The following MLIP variants were observed in gnomAD, a reference collection of about 807,000 sequenced individuals.
MLIP encodes the protein muscular LMNA interacting protein.
In MLIP, 79 loss-of-function variants were observed where a neutral mutation model predicts 84.8. The ratio of observed to expected loss-of-function variants is 0.93; its 90% CI spans 0.78 to 1.12. MLIP has a LOEUF of 1.12. Among genes scored for constraint, MLIP ranks in the 50% most tolerant of loss-of-function variants. The pLI, the probability that MLIP is intolerant of heterozygous loss-of-function variation, is 0.00. For missense variants in MLIP, 1,257 were observed against 1,160.6 expected, an observed-to-expected ratio of 1.08 and a Z score of -1.21; for synonymous variants, 504 against 463.0, an observed-to-expected ratio of 1.09 and a Z score of -1.14.
chr6:54,151,338 TG>T (rs1773424107), intron 5 of MLIP, among the ~76,000 whole-genome samples: 2 of 152,182 alleles, frequency 1.3e-5, no homozygotes, highest in Admixed American at 6.6e-5. Flanking sequence ...GATATTGTAT[TG>T]TTCCTTTCAG....
chr6:54,163,287 A>C (rs975265434), intron 8 of MLIP, among the ~76,000 whole-genome samples: 1 of 151,716 alleles, frequency 6.6e-6, no homozygotes, highest in African/African-American at 2.4e-5. Context: ...ATTTTCTCAG[A>C]GCAGCATATT....
chr6:54,124,296 T>G (rs1207287043), intron 2 of MLIP, among the ~76,000 whole-genome samples, 177 bp from the exon 3 acceptor site: 1 of 152,160 alleles, frequency 6.6e-6, no homozygotes, highest in Non-Finnish European at 1.5e-5. Flanking sequence ...GAAAAACAGG[T>G]GGGCTAGTGG....
At chr6:54,207,896 T>C (rs904660753) in intron 11 of MLIP, among the ~76,000 whole-genome samples, 3 of 152,042 alleles carry the variant, frequency 2.0e-5, no homozygotes, top group Non-Finnish European at 4.4e-5. Context: ...GAGGCCGAGG[T>C]GGGCGGATCA....
At chr6:54,071,540 A>G (rs541093649) in intron 1 of MLIP, among the ~76,000 whole-genome samples, 5 of 152,286 alleles carry the variant, frequency 3.3e-5, no homozygotes, top group African/African-American at 9.6e-5. Context: ...TAACCTGTTT[A>G]GGATTTTTTT....
upstream of MLIP, among the ~76,000 whole-genome samples, chr6:54,106,452 C>A (rs905330990): frequency 5.9e-5 from 9 of 152,074 alleles, no homozygotes; most frequent in African/African-American, 2.2e-4. Flanking sequence ...AAAGTGGAAG[C>A]AGAAAGACCA....
chr6:54,183,004 A>G (rs1336038330), intron 9 of MLIP, among the ~76,000 whole-genome samples: 1 of 152,218 alleles, frequency 6.6e-6, no homozygotes, highest in Non-Finnish European at 1.5e-5. Context: ...AGACAGAAAA[A>G]TGTCATTACA....
chr6:54,110,011 C>CT (rs575179876), upstream of MLIP, among the ~76,000 whole-genome samples: 329 of 97,420 alleles, frequency 3.4e-3, no homozygotes, highest in South Asian at 6.5e-3. Context: ...TTGACGGAGT[C>CT]TCGCTGTGTC....
At chr6:54,248,268 A>G (rs1211349287) in intron 12 of MLIP, among the ~76,000 whole-genome samples, 1 of 152,162 alleles carries the variant, frequency 6.6e-6, no homozygotes, top group Non-Finnish European at 1.5e-5. Context: ...ATTGAAAACA[A>G]TTGAAAATGA....
Position 54,266,128 on chromosome 6 carries a change from T to C in MLIP, c.*173T>C, listed in dbSNP as rs921038106. ...CTGCAATTATATAGCATCACAGTGC[T>C]CTGCTAACAGCCAGCATAGAAGAGA... On this transcript the variant is annotated 3_prime_UTR_variant, in exon 14 of 14. Transcript: ENST00000502396. The C allele has an allele frequency of 1.6e-6, 1 of 636,270 alleles. No homozygotes were observed. Among genetic ancestry groups the C allele is most frequent in the Non-Finnish European group, 2.8e-6 (1 of 356,296 alleles). The allele number at this position is 636,270 out of a possible 1,614,324, so 39.4% of individuals were successfully genotyped here.
At chr6:54,196,405 C>T (rs767076999) in intron 10 of MLIP, among the ~76,000 whole-genome samples, 5 of 152,008 alleles carry the variant, frequency 3.3e-5, no homozygotes, top group Admixed American at 2.0e-4. Context: ...TCTCTTTGTT[C>T]GGCCCCCACT....
At chr6:54,111,362 C>T, upstream of MLIP, 2 of 1,447,780 alleles carry the variant, frequency 1.4e-6, no homozygotes, top group East Asian at 5.1e-5. Context: ...TGGAATGACT[C>T]TGCTTTACCT....
intron 11 of MLIP, among the ~76,000 whole-genome samples, chr6:54,204,923 C>G (rs1401920552): frequency 6.6e-6 from 1 of 152,138 alleles, no homozygotes; most frequent in East Asian, 1.9e-4. Context: ...GAAGTAATAG[C>G]AGACAATGCA....
intron 9 of MLIP, among the ~76,000 whole-genome samples, chr6:54,179,577 T>G (rs1176731258): frequency 6.6e-6 from 1 of 152,124 alleles, no homozygotes; most frequent in Non-Finnish European, 1.5e-5. Context: ...GTTGTATGGT[T>G]TTTAATTTGA....
At chr6:54,157,445 A>C (rs1774146763) in intron 5 of MLIP, among the ~76,000 whole-genome samples, 1 of 152,074 alleles carries the variant, frequency 6.6e-6, no homozygotes. Context: ...ATGCCTTAGT[A>C]ATAGGTTCCA....
chr6:54,230,094 T>C (rs1231571634), intron 11 of MLIP, among the ~76,000 whole-genome samples: 1 of 152,206 alleles, frequency 6.6e-6, no homozygotes, highest in African/African-American at 2.4e-5. Flanking sequence ...GTTGCACTCC[T>C]CTATTTGTTG....
At chr6:54,039,848 G>A (rs901265647) in intron 1 of MLIP, among the ~76,000 whole-genome samples, 8 of 151,880 alleles carry the variant, frequency 5.3e-5, no homozygotes, top group Non-Finnish European at 1.0e-4. Flanking sequence ...ACGCTAAAAT[G>A]TTAAACATTT....
chr6:54,129,762 A>G (rs777663596), intron 3 of MLIP, among the ~76,000 whole-genome samples: 1 of 152,196 alleles, frequency 6.6e-6, no homozygotes, highest in South Asian at 2.1e-4. Flanking sequence ...TGAAGTGTTC[A>G]TGGCCATCAG....
intron 12 of MLIP, among the ~76,000 whole-genome samples, chr6:54,247,267 GT>G (rs773375681): frequency 1.6e-4 from 24 of 152,114 alleles, no homozygotes; most frequent in Non-Finnish European, 3.2e-4. Context: ...ACAGTGGAGA[GT>G]TTTCTTTAAG....
At chr6:54,244,290 C>T (rs1334092302) in intron 12 of MLIP, among the ~76,000 whole-genome samples, 4 of 151,808 alleles carry the variant, frequency 2.6e-5, no homozygotes, top group Non-Finnish European at 4.4e-5. Context: ...AGATAGCTAT[C>T]GAGATGATTA....
Sources: allele counts gnomAD v4.1 joint callset (sites outside exome capture counted in the v4.1 genomes callset), GRCh38; gene constraint gnomAD v4.1.1; transcripts MANE v1.5; gene names NCBI Gene and HGNC (gene_info 2026-07-23, HGNC 2026-07-21).